The following CLOCK variants were observed in gnomAD, a reference collection of about 807,000 sequenced individuals.
The protein encoded by CLOCK is circadian locomoter output cycles protein kaput.
Under a neutral mutation model 118.4 loss-of-function variants are expected in CLOCK, and 43 were observed. That is an observed-to-expected ratio of 0.36 (90% CI 0.28 to 0.47). The LOEUF (loss-of-function observed/expected upper bound fraction) is 0.47, where lower values mean the gene tolerates loss of function less well. Among genes scored for constraint, CLOCK ranks in the 20% least tolerant of loss-of-function variants. The pLI is 1.00. For synonymous variants in CLOCK, 326 were observed against 339.2 expected, an observed-to-expected ratio of 0.96 and a Z score of 0.43; for missense variants, 846 against 999.9, an observed-to-expected ratio of 0.85 and a Z score of 2.08.
At chr4:55,489,075 C>T (rs1161003339) in intron 3 of CLOCK, among the ~76,000 whole-genome samples, 2 of 152,266 alleles carry the variant, frequency 1.3e-5, no homozygotes, top group South Asian at 4.1e-4. Context: ...CTGCACAGTA[C>T]AAACCACAAA....
chr4:55,541,191 G>A (rs1731248366), intron 1 of CLOCK, among the ~76,000 whole-genome samples: 2 of 152,156 alleles, frequency 1.3e-5, no homozygotes, highest in African/African-American at 2.4e-5. Context: ...GTATCCACCT[G>A]TTTCACAGAA....
chr4:55,484,057 G>A (rs904350515), intron 3 of CLOCK, among the ~76,000 whole-genome samples: 2 of 152,164 alleles, frequency 1.3e-5, no homozygotes, highest in Non-Finnish European at 2.9e-5. Flanking sequence ...ACAAGAACGT[G>A]AGATTCTAAA....
intron 2 of CLOCK, among the ~76,000 whole-genome samples, chr4:55,496,870 A>G (rs146886288): frequency 2.4e-4 from 36 of 152,316 alleles, no homozygotes; most frequent in African/African-American, 8.4e-4. Context: ...CCAGTACCCA[A>G]TATATTATCA....
intron 1 of CLOCK, among the ~76,000 whole-genome samples, chr4:55,531,668 G>A (rs1166118692): frequency 8.7e-6 from 1 of 115,434 alleles, no homozygotes; most frequent in Non-Finnish European, 1.6e-5. Flanking sequence ...TCACGCCACT[G>A]TATTCCAGCC....
At position 55,449,462 on chromosome 4, in the gene CLOCK, A is replaced by G; in HGVS notation, c.1383T>C (p.Thr461=). 1 of 1,614,052 alleles carries G rather than the reference A, an allele frequency of 6.2e-7. No individual in the cohort carries two copies. Among genetic ancestry groups the G allele is most frequent in the Non-Finnish European group, 8.5e-7 (1 of 1,179,938 alleles). ...TPTKIPTDTS[T]PPRQHLPAHE... ...GAGCTGGTAAATGCTGCCTGGGTGGAGTGCTCGTATCCGTCGGGATCTTGG... is the reference window on the plus strand; with the variant it reads ...GAGCTGGTAAATGCTGCCTGGGTGGGGTGCTCGTATCCGTCGGGATCTTGG... The change falls in exon 17 of 23, where the codon ACT becomes ACC. Residue 461 remains threonine, a synonymous_variant. Coordinates refer to ENST00000513440, the MANE Select transcript of CLOCK (RefSeq NM_004898.4).
chr4:55,452,551 T>C (rs1429813606), intron 15 of CLOCK: 2 of 156,930 alleles, frequency 1.3e-5, no homozygotes, highest in South Asian at 1.9e-4. Context: ...TGTTGTTTTA[T>C]ATCACTAAAT....
At chr4:55,501,717 C>CT (rs1004822899) in intron 2 of CLOCK, 4 of 152,160 alleles carry the variant, frequency 2.6e-5, no homozygotes, top group African/African-American at 9.7e-5. Flanking sequence ...TCATAGTACA[C>CT]TTTTTTAAAC....
chr4:55,448,744 T>G (rs944928292), intron 18 of CLOCK, 35 bp downstream of exon 18: 6 of 1,532,452 alleles, frequency 3.9e-6, no homozygotes, highest in Non-Finnish European at 5.4e-6. Context: ...TTTATCATAT[T>G]CAAATACGCA....
intron 2 of CLOCK, among the ~76,000 whole-genome samples, chr4:55,503,928 A>G (rs928947205): frequency 1.4e-5 from 2 of 143,286 alleles, no homozygotes; most frequent in Non-Finnish European, 3.0e-5. Context: ...ATTTTTCTTT[A>G]TTACATTCCA....
At chr4:55,516,785 C>T (rs1729542997) in intron 1 of CLOCK, among the ~76,000 whole-genome samples, 1 of 152,114 alleles carries the variant, frequency 6.6e-6, no homozygotes, top group African/African-American at 2.4e-5. Flanking sequence ...TCTTTTTCTG[C>T]CTGTTGTAGT....
chr4:55,514,542 G>T (rs1022959734), intron 1 of CLOCK, among the ~76,000 whole-genome samples: 20 of 148,222 alleles, frequency 1.3e-4, no homozygotes, highest in Non-Finnish European at 1.5e-5. Flanking sequence ...TTTAATAGAT[G>T]TTCTTTCTCA....
chr4:55,537,241 G>C (rs1730963261), intron 1 of CLOCK, among the ~76,000 whole-genome samples: 1 of 152,124 alleles, frequency 6.6e-6, no homozygotes, highest in African/African-American at 2.4e-5. Context: ...CAGCACTCCA[G>C]GAGGCCAAGG....
intron 14 of CLOCK, chr4:55,453,339 C>T (rs1724635915): frequency 1.5e-5 from 8 of 528,232 alleles, no homozygotes; most frequent in South Asian, 1.3e-4. Context: ...TGTAAACGAT[C>T]CATAACCACA....
At chr4:55,506,937 G>C (rs1207064260) in intron 2 of CLOCK, among the ~76,000 whole-genome samples, 1 of 152,060 alleles carries the variant, frequency 6.6e-6, no homozygotes, top group Non-Finnish European at 1.5e-5. Context: ...TTAGATTAGA[G>C]GTTTATATTC....
At position 55,535,425 on chromosome 4, in the gene CLOCK, C is replaced by T. The variant is rs116896460; in HGVS notation, c.-290+11357G>A. Among the ~76,000 whole-genome samples, 275 of 152,124 alleles carry T rather than the reference C, an allele frequency of 1.8e-3. 9 individuals carry two copies. The East Asian group carries it at 0.049, about 27-fold the overall frequency. On this transcript the variant is annotated intron_variant, in intron 1 of 22. Coordinates refer to ENST00000513440, the MANE Select transcript of CLOCK (RefSeq NM_004898.4). ...CTGCATACCTTTAAAAAATGACAGG[C>T]GCCAGCTAGAGTGGCTCATGCCTGT...
intron 1 of CLOCK, among the ~76,000 whole-genome samples, chr4:55,541,502 C>T (rs1014848312): frequency 6.6e-6 from 1 of 152,144 alleles, no homozygotes; most frequent in African/African-American, 2.4e-5. Context: ...ACTTTTCCCC[C>T]ACAATATTGT....
At chr4:55,537,528 G>A (rs546844919) in intron 1 of CLOCK, among the ~76,000 whole-genome samples, 1 of 152,194 alleles carries the variant, frequency 6.6e-6, no homozygotes, top group South Asian at 2.1e-4. Context: ...TCTGGTGCGA[G>A]GATCTCTTGA....
intron 7 of CLOCK, among the ~76,000 whole-genome samples, chr4:55,472,741 C>G (rs140842317): frequency 1.3e-5 from 2 of 151,988 alleles, no homozygotes; most frequent in East Asian, 1.9e-4. Context: ...TTGTCCCCCC[C>G]CTTCTTTTGG....
chr4:55,514,411 C>A (rs1729355229), intron 1 of CLOCK, among the ~76,000 whole-genome samples: 2 of 152,090 alleles, frequency 1.3e-5, no homozygotes, highest in Non-Finnish European at 2.9e-5. Flanking sequence ...CTATAACACT[C>A]ACCCATTTAA....
Sources: allele counts gnomAD v4.1 joint callset (sites outside exome capture counted in the v4.1 genomes callset), GRCh38; gene constraint gnomAD v4.1.1; transcripts MANE v1.5; gene names NCBI Gene and HGNC (gene_info 2026-07-23, HGNC 2026-07-21).